Variants in SHISA9 observed in about 807,000 individuals in gnomAD.
SHISA9 encodes shisa family member 9.
A neutral mutation model predicts 38.0 loss-of-function variants in SHISA9; 13 were observed. That is an observed-to-expected ratio of 0.34 (90% confidence interval 0.22 to 0.54). The LOEUF is 0.54. Among genes scored for constraint, SHISA9 ranks in the 20% least tolerant of loss-of-function variants. The pLI is 0.91. For synonymous variants in SHISA9, 275 were observed against 242.0 expected (o/e 1.14, Z -1.27); for missense variants, 538 against 575.8 (o/e 0.93, Z 0.67).
At chr16:12,907,319 T>G (rs1227381510) in intron 1 of SHISA9, among the ~76,000 whole-genome samples, 3 of 148,182 alleles carry the variant, frequency 2.0e-5, no homozygotes, top group Admixed American at 2.0e-4. Context: ...CTCCCTTCCC[T>G]TTTCTCCCTT....
At chr16:12,914,859 A>C (rs8056916) in intron 1 of SHISA9, among the ~76,000 whole-genome samples, 20,965 of 152,168 alleles carry the variant, frequency 0.14, 1,635 homozygotes, top group South Asian at 0.23. Flanking sequence ...ATGGATCTGA[A>C]AATTTGCATC....
intron 2 of SHISA9, among the ~76,000 whole-genome samples, chr16:12,990,279 A>G (rs1260454879): frequency 6.6e-6 from 1 of 152,180 alleles, no homozygotes; most frequent in African/African-American, 2.4e-5. Flanking sequence ...AATGACTTAT[A>G]TTCCTTTGGG....
At chr16:12,981,464 A>C (rs958118549) in intron 2 of SHISA9, among the ~76,000 whole-genome samples, 1 of 152,130 alleles carries the variant, frequency 6.6e-6, no homozygotes. Flanking sequence ...CCTCAGATTC[A>C]AGCCATCCCC....
At chr16:13,071,596 CCTTCCCTTT>C (rs1331235137) in intron 2 of SHISA9, among the ~76,000 whole-genome samples, 214 of 147,918 alleles carry the variant, frequency 1.4e-3, no homozygotes, top group South Asian at 3.0e-3. Context: ...TTCCTTCCTT[CCTTCCCTTT>C]CTTCCCTTCC....
At chr16:13,303,738 T>C in the SHISA9 span, among the ~76,000 whole-genome samples, 1 of 152,316 alleles carries the variant, frequency 6.6e-6, no homozygotes, top group South Asian at 2.1e-4. Context: ...AAGTGGTTAA[T>C]TTTGCTATAT....
At chr16:13,138,808 T>A (rs2050372589) in intron 2 of SHISA9, among the ~76,000 whole-genome samples, 1 of 152,120 alleles carries the variant, frequency 6.6e-6, no homozygotes, top group Non-Finnish European at 1.5e-5. Context: ...TTTGGAAACT[T>A]TTATTATTTT....
At chr16:13,128,064 G>A (rs74012281) in intron 2 of SHISA9, among the ~76,000 whole-genome samples, 135 of 152,298 alleles carry the variant, frequency 8.9e-4, no homozygotes, top group African/African-American at 3.1e-3. Context: ...GCATCATTAA[G>A]ATAATTAGAT....
intron 2 of SHISA9, among the ~76,000 whole-genome samples, chr16:12,988,610 C>T (rs531955535): frequency 2.1e-4 from 32 of 152,202 alleles, no homozygotes; most frequent in East Asian, 1.4e-3. Flanking sequence ...CTGCAACTTC[C>T]GCCTCCCCAG....
intron 2 of SHISA9, among the ~76,000 whole-genome samples, chr16:13,071,600 CCCTTT>C (rs375292496): frequency 2.8e-5 from 4 of 145,150 alleles, no homozygotes; most frequent in South Asian, 2.2e-4. Context: ...TTCCTTCCTT[CCCTTT>C]CTTCCCTTCC....
the SHISA9 span, among the ~76,000 whole-genome samples, chr16:13,338,768 TAG>T: frequency 9.9e-5 from 15 of 152,272 alleles, no homozygotes; most frequent in East Asian, 2.9e-3. Flanking sequence ...GGTGAATGTA[TAG>T]TAAGCAGAAG....
At chr16:13,394,928 GGTGTGT>G in the SHISA9 span, among the ~76,000 whole-genome samples, 7,173 of 139,432 alleles carry the variant, frequency 0.051, 306 homozygotes, top group East Asian at 0.19. Flanking sequence ...CAGTATCTGG[GGTGTGT>G]GTGTGTGTGT....
At chr16:13,378,218 G>A in the SHISA9 span, among the ~76,000 whole-genome samples, 1 of 152,196 alleles carries the variant, frequency 6.6e-6, no homozygotes, top group Non-Finnish European at 1.5e-5. Flanking sequence ...ATGGTTCAGG[G>A]ATTGCTCCAA....
chr16:13,187,310 C>CTTCTTTTCTT (rs1190991785), intron 2 of SHISA9, among the ~76,000 whole-genome samples: 8,362 of 111,738 alleles, frequency 0.075, 410 homozygotes, highest in Middle Eastern at 0.1. Flanking sequence ...ACAGAGAAGG[C>CTTCTTTTCTT]TTCTTTTCTT....
chr16:13,335,735 T>C, the SHISA9 span, among the ~76,000 whole-genome samples: 1 of 151,892 alleles, frequency 6.6e-6, no homozygotes, highest in African/African-American at 2.4e-5. Flanking sequence ...CTCTGTGTCT[T>C]TGAGGGTGGC....
At chr16:13,094,035 C>T (rs952996377) in intron 2 of SHISA9, among the ~76,000 whole-genome samples, 2 of 152,142 alleles carry the variant, frequency 1.3e-5, no homozygotes, top group Non-Finnish European at 2.9e-5. Flanking sequence ...TCACAGGTCT[C>T]CTATACCAAG....
At chr16:13,257,759 C>A in the SHISA9 span, among the ~76,000 whole-genome samples, 1 of 152,068 alleles carries the variant, frequency 6.6e-6, no homozygotes, top group Non-Finnish European at 1.5e-5. Flanking sequence ...GTGAAAGCTC[C>A]CTCTCTTCTT....
At chr16:13,139,386 CT>C (rs1239419583) in intron 2 of SHISA9, among the ~76,000 whole-genome samples, 1 of 120,786 alleles carries the variant, frequency 8.3e-6, no homozygotes, top group African/African-American at 3.2e-5. Flanking sequence ...CCGTCCCTCC[CT>C]TCCTTCTTTC....
At chr16:12,952,472 C>T (rs905256016) in intron 2 of SHISA9, among the ~76,000 whole-genome samples, 11 of 152,176 alleles carry the variant, frequency 7.2e-5, no homozygotes, top group Admixed American at 5.9e-4. Flanking sequence ...TCCTTTTGTT[C>T]CTTAAAGTCA....
chr16:13,539,043 G>A, the SHISA9 span, among the ~76,000 whole-genome samples: 1 of 152,024 alleles, frequency 6.6e-6, no homozygotes, highest in African/African-American at 2.4e-5. Context: ...CTGAACATGA[G>A]TCCCAATGTT....
Sources: gnomAD v4.1 joint callset for allele counts (sites outside exome capture counted in the v4.1 genomes callset) on GRCh38, gnomAD v4.1.1 for gene constraint, MANE v1.5 for transcripts, NCBI Gene and HGNC (gene_info 2026-07-23, HGNC 2026-07-21) for gene names.